MAPT: variants seen among roughly 807,000 people sequenced by gnomAD.
MAPT encodes microtubule associated protein tau.
MAPT carries 34 observed loss-of-function variants against 67.9 expected under a neutral mutation model. The ratio of observed to expected loss-of-function variants is 0.50; its 90% CI spans 0.38 to 0.67. MAPT has a LOEUF of 0.67. Ranked by LOEUF, MAPT falls within the 30% of genes least tolerant of loss-of-function variation. The pLI is 0.00. For synonymous variants in MAPT, 456 were observed against 464.5 expected (o/e 0.98, Z 0.23); for missense variants, 881 against 1,115.2 (o/e 0.79, Z 2.99).
At chr17:45,988,155 G>C (rs1296298364) in intron 6 of MAPT, among the ~76,000 whole-genome samples, 1 of 152,136 alleles carries the variant, frequency 6.6e-6, no homozygotes, top group Non-Finnish European at 1.5e-5. Flanking sequence ...CAGCCCCAGG[G>C]CCCCAGCCTG....
rs2063300397 is a variant in MAPT at position 45,897,094 on chromosome 17, T to C, written c.-18+2408T>C. 1 of 152,294 alleles carries C rather than the reference T, an allele frequency of 6.6e-6. No homozygotes were observed. Among genetic ancestry groups the C allele is most frequent in the Admixed American group, 6.5e-5 (1 of 15,282 alleles). 9.4% of individuals were successfully genotyped at this position (152,294 alleles called of 1,614,324 possible). A position where few individuals can be genotyped will look rare whatever the true frequency, so the allele number is the denominator to read the frequency against. On this transcript the variant is annotated intron_variant, in intron 1 of 12. Coordinates refer to ENST00000262410, the MANE Select transcript of MAPT (RefSeq NM_001377265.1). This position sits in a 1 kb window ranked among gnomAD's most constrained non-coding sequence, Gnocchi z 5.0. ...CCTGGGTACTGCGAGGCTCCTCGCA[T>C]GGCTGGGCCCGCCGCGAGGGGTTGC... is the stretch of plus-strand genomic sequence containing the variant.
intron 12 of MAPT, among the ~76,000 whole-genome samples, chr17:46,021,984 A>C (rs983909314): frequency 2.6e-5 from 4 of 152,206 alleles, no homozygotes; most frequent in African/African-American, 9.7e-5. Context: ...CATTCCCAGG[A>C]ATGTCTTAAA....
chr17:45,981,224 G>A (rs1298787548), intron 4 of MAPT, among the ~76,000 whole-genome samples: 1 of 152,040 alleles, frequency 6.6e-6, no homozygotes, highest in Non-Finnish European at 1.5e-5. Flanking sequence ...AATCCTTCAG[G>A]GCTGCAGGTT....
chr17:45,978,696 G>T, intron 4 of MAPT: 1 of 508,198 alleles, frequency 2.0e-6, no homozygotes, highest in East Asian at 3.2e-5. Context: ...CCTGGGAGTT[G>T]AGAATGAATG....
intron 2 of MAPT, among the ~76,000 whole-genome samples, chr17:45,968,352 C>G (rs2145411732): frequency 6.6e-6 from 1 of 152,298 alleles, no homozygotes; most frequent in East Asian, 1.9e-4. Context: ...AGACATTTTC[C>G]TGGACTTCCT....
At chr17:45,932,410 G>C (rs1293281206) in intron 1 of MAPT, among the ~76,000 whole-genome samples, 2 of 151,456 alleles carry the variant, frequency 1.3e-5, no homozygotes, top group Non-Finnish European at 3.0e-5. Context: ...GGCCAACATG[G>C]TGAAACTTCA....
At chr17:46,012,960 T>G (rs969958445) in intron 10 of MAPT, among the ~76,000 whole-genome samples, 2 of 152,148 alleles carry the variant, frequency 1.3e-5, no homozygotes, top group Admixed American at 1.3e-4. Flanking sequence ...ATGTCCGCCC[T>G]GACACACATG....
At chr17:45,917,607 A>G (rs879500877) in intron 1 of MAPT, among the ~76,000 whole-genome samples, 1 of 152,186 alleles carries the variant, frequency 6.6e-6, no homozygotes, top group Admixed American at 6.5e-5. Context: ...CAGAAGCGAC[A>G]TTTGTTGCTG....
rs778551946 is a variant in MAPT, at chr17:46,018,693, A to G, written c.2249A>G (p.Asp750Gly). 6.2e-7 allele frequency: 1 copy of G among 1,614,084 alleles called. No homozygotes were observed. Among genetic ancestry groups the G allele is most frequent in the Non-Finnish European group, 8.5e-7 (1 of 1,180,020 alleles). Residue 750 changes from aspartate to glycine, a missense_variant, in exon 12 of 13, where the codon GAC (aspartate) becomes GGC (glycine). Asp to Gly is a moderately conservative substitution (Grantham distance 94). Coordinates refer to ENST00000262410, the MANE Select transcript of MAPT (RefSeq NM_001377265.1). ...DRVQSKIGSL[D>G]NITHVPGGGN... is the part of the protein sequence containing the mutation. Reference sequence around the variant, plus strand: ...GTCCAGTCGAAGATTGGGTCCCTGGACAATATCACCCACGTCCCTGGCGGA... The same window carrying G: ...GTCCAGTCGAAGATTGGGTCCCTGGGCAATATCACCCACGTCCCTGGCGGA...
At position 46,014,358 on chromosome 17, in the gene MAPT, G is replaced by A. The variant is rs75534191; in HGVS notation, c.2173+34G>A. On this transcript the variant is annotated intron_variant, in intron 11 of 12. Coordinates refer to ENST00000262410, the MANE Select transcript of MAPT (RefSeq NM_001377265.1). ...GTGGAAGGTGAGGGTTGGGACGGGA[G>A]GGTGCAGGGGGTGGAGGAGTCCTGG... The A allele has an allele frequency of 0.19, 279,512 of 1,456,638 alleles. 30,928 individuals carry two copies. The highest frequency in any genetic ancestry group is 0.23 in the Non-Finnish European group (237,585 of 1,037,350). The allele number at this position is 1,456,638 out of a possible 1,614,324, so 90.2% of individuals were successfully genotyped here. A position where few individuals can be genotyped will look rare whatever the true frequency, so the allele number is the denominator to read the frequency against.
intron 1 of MAPT, among the ~76,000 whole-genome samples, chr17:45,939,306 G>A (rs1411107972): frequency 6.6e-6 from 1 of 152,172 alleles, no homozygotes; most frequent in African/African-American, 2.4e-5. Context: ...TCTGGAAGAG[G>A]TGGGATGAGT....
intron 6 of MAPT, among the ~76,000 whole-genome samples, chr17:45,988,826 AG>A (rs1233214252): frequency 6.6e-6 from 1 of 152,162 alleles, no homozygotes; most frequent in African/African-American, 2.4e-5. Context: ...TGGAGGCTGC[AG>A]TGAGCCGTGA....
At chr17:45,901,168 G>A (rs1560310) in intron 1 of MAPT, among the ~76,000 whole-genome samples, 22,072 of 152,206 alleles carry the variant, frequency 0.15, 2,148 homozygotes, top group Middle Eastern at 0.22. Context: ...ACAGGCAAGC[G>A]GAGATTTGTC....
chr17:45,979,301 TTC>T (rs1005659702), intron 4 of MAPT: 1 of 152,258 alleles, frequency 6.6e-6, no homozygotes, highest in Non-Finnish European at 1.5e-5. Context: ...TGGGCTTGTT[TTC>T]TGTCATTTGC....
intron 8 of MAPT, among the ~76,000 whole-genome samples, 193 bp downstream of exon 8, chr17:45,991,779 AC>A (rs1397044081): frequency 5.2e-4 from 75 of 145,466 alleles, no homozygotes; most frequent in African/African-American, 1.9e-3. Flanking sequence ...TTGAATCCCT[AC>A]CTTTTTTTTT....
intron 12 of MAPT, among the ~76,000 whole-genome samples, chr17:46,021,058 A>G (rs547516819): frequency 1.8e-4 from 27 of 152,294 alleles, no homozygotes; most frequent in African/African-American, 5.8e-4. Flanking sequence ...CTGGTTCTGA[A>G]CAGATGGGCA....
Position 46,024,452 on chromosome 17 carries a change from C to T in MAPT, c.*281C>T. 1 of 537,874 alleles carries T rather than the reference C, an allele frequency of 1.9e-6. No homozygotes were observed. Among genetic ancestry groups the T allele is most frequent in the Non-Finnish European group, 3.4e-6 (1 of 298,254 alleles). The allele number at this position is 537,874 out of a possible 1,614,324, so 33.3% of individuals were successfully genotyped here. A position where few individuals can be genotyped will look rare whatever the true frequency, so the allele number is the denominator to read the frequency against. ...AAAAACATGGCCACATCCAACATTTCCTCAGGCAATTCCTTTTGATTCTTT... is the reference window on the plus strand; with the variant it reads ...AAAAACATGGCCACATCCAACATTTTCTCAGGCAATTCCTTTTGATTCTTT... On this transcript the variant is annotated 3_prime_UTR_variant, in exon 13 of 13. Coordinates refer to ENST00000262410, the MANE Select transcript of MAPT (RefSeq NM_001377265.1).
chr17:46,015,432 A>C (rs1399159523), intron 11 of MAPT, among the ~76,000 whole-genome samples: 1 of 151,922 alleles, frequency 6.6e-6, no homozygotes, highest in Non-Finnish European at 1.5e-5. Flanking sequence ...GGCCGAGGCG[A>C]GCGGATCACA....
intron 1 of MAPT, among the ~76,000 whole-genome samples, chr17:45,918,350 G>A (rs145376526): frequency 2.6e-5 from 4 of 152,348 alleles, no homozygotes; most frequent in Non-Finnish European, 4.4e-5. Flanking sequence ...CCAGTAAGAT[G>A]TGGTGGAAAG....
Sources: gnomAD v4.1 joint callset for allele counts (sites outside exome capture counted in the v4.1 genomes callset) on GRCh38, gnomAD v4.1.1 for gene constraint, Gnocchi (gnomAD v3.1) non-coding constraint, MANE v1.5 for transcripts, NCBI Gene and HGNC (gene_info 2026-07-23, HGNC 2026-07-21) for gene names.